The following ACCSL variants were observed in gnomAD, a reference collection of about 807,000 sequenced individuals.
ACCSL encodes 1-aminocyclopropane-1-carboxylate synthase homolog (inactive) like, also known as probable inactive 1-aminocyclopropane-1-carboxylate synthase-like protein 2.
A neutral mutation model predicts 61.7 loss-of-function variants in ACCSL; 55 were observed. The observed-to-expected ratio is 0.89, with a 90% CI of 0.72 to 1.12. The LOEUF is 1.12. Among genes scored for constraint, ACCSL ranks in the 50% most tolerant of loss-of-function variants. The probability of loss-of-function intolerance (pLI) is 0.00; values close to 1 mark genes in which losing one functional copy is unlikely to be tolerated. For missense variants in ACCSL, 632 were observed against 698.0 expected (o/e 0.91, Z 1.07); for synonymous variants, 258 against 264.3 (o/e 0.98, Z 0.23).
chr11:43,958,981 A>T, the ACCSL span, among the ~76,000 whole-genome samples: 1 of 152,134 alleles, frequency 6.6e-6, no homozygotes, highest in Non-Finnish European at 1.5e-5. Context: ...ACATGGCAGA[A>T]GGTAGAAGGG....
chr11:44,011,497 C>T, the ACCSL span, among the ~76,000 whole-genome samples: 23 of 152,300 alleles, frequency 1.5e-4, no homozygotes, highest in African/African-American at 5.3e-4. Flanking sequence ...TTTGTAAACA[C>T]GTCCACATAA....
chr11:44,023,595 A>G, the ACCSL span, among the ~76,000 whole-genome samples: 2 of 149,030 alleles, frequency 1.3e-5, no homozygotes, highest in Middle Eastern at 3.5e-3. Context: ...ATCTTTTCAA[A>G]GAACCAACTT....
the ACCSL span, among the ~76,000 whole-genome samples, chr11:43,927,439 GTAC>G: frequency 6.6e-6 from 1 of 152,230 alleles, no homozygotes; most frequent in Non-Finnish European, 1.5e-5. Flanking sequence ...GCTGCAATAT[GTAC>G]TAGGCACTGC....
chr11:44,051,032 G>A lies in ACCSL; in HGVS notation c.636-303G>A, dbSNP rs4600196. On this transcript the variant is annotated intron_variant, in intron 3 of 13. Coordinates refer to ENST00000378832, the MANE Select transcript of ACCSL (RefSeq NM_001031854.2). Reference sequence around the variant, plus strand: ...AATTTTTTGTATTTTTAGTAGAGACGGGGTTTCACCATGTTTGCCAGCTTG... The same window carrying A: ...AATTTTTTGTATTTTTAGTAGAGACAGGGTTTCACCATGTTTGCCAGCTTG... Among the ~76,000 whole-genome samples the A allele has an allele frequency of 7.2e-3, 1,093 of 152,044 alleles. 7 individuals carry two copies. Among genetic ancestry groups the A allele is most frequent in the East Asian group, 0.032 (163 of 5,162 alleles).
chr11:43,997,089 G>A, the ACCSL span, among the ~76,000 whole-genome samples: 5 of 151,988 alleles, frequency 3.3e-5, no homozygotes, highest in African/African-American at 1.2e-4. Context: ...GAGATTACAG[G>A]CATGAGCCAC....
the ACCSL span, among the ~76,000 whole-genome samples, chr11:43,975,424 AT>A: frequency 1.3e-5 from 2 of 152,242 alleles, no homozygotes; most frequent in Admixed American, 6.5e-5. Context: ...TCTCAGAAAC[AT>A]TTAAGGAGGA....
At chr11:43,982,412 G>A in the ACCSL span, among the ~76,000 whole-genome samples, 2 of 151,762 alleles carry the variant, frequency 1.3e-5, no homozygotes, top group South Asian at 4.2e-4. Flanking sequence ...ATTTTTAGTA[G>A]AGACAGGGTT....
At chr11:43,982,226 CTTTTT>C in the ACCSL span, among the ~76,000 whole-genome samples, 15,680 of 86,350 alleles carry the variant, frequency 0.18, 975 homozygotes, top group Middle Eastern at 0.24. Flanking sequence ...CCAAGGCCCT[CTTTTT>C]TTTTTTTTTT....
At chr11:43,928,932 C>T in the ACCSL span, among the ~76,000 whole-genome samples, 1 of 152,220 alleles carries the variant, frequency 6.6e-6, no homozygotes, top group African/African-American at 2.4e-5. Context: ...TGTTGCTCAT[C>T]CCAGCCCAAT....
At chr11:44,050,147 G>A in intron 2 of ACCSL, 26 bp downstream of exon 2, 1 of 1,598,036 alleles carries the variant, frequency 6.3e-7, no homozygotes, top group Non-Finnish European at 8.6e-7. Context: ...GCTGTGTTGG[G>A]ACCCACCCCT....
chr11:44,055,333 G>T (rs763889347), intron 9 of ACCSL, 42 bp downstream of exon 9: 11 of 1,541,512 alleles, frequency 7.1e-6, no homozygotes, highest in African/African-American at 1.4e-5. Flanking sequence ...GAACCACAAG[G>T]TTCTTGTTTT....
chr11:43,970,392 C>G, the ACCSL span, among the ~76,000 whole-genome samples: 1 of 152,036 alleles, frequency 6.6e-6, no homozygotes, highest in Non-Finnish European at 1.5e-5. Context: ...TTTGTAGAGA[C>G]AAGGTTTCAC....
chr11:44,050,014 G>A (rs774295748), intron 1 of ACCSL, 48 bp from the exon 2 acceptor site: 2 of 1,613,184 alleles, frequency 1.2e-6, no homozygotes, highest in East Asian at 2.2e-5. Context: ...GATCTATGTA[G>A]GGTGGAGCAA....
At position 44,051,351 on chromosome 11, in the gene ACCSL, G is replaced by T; in HGVS notation, c.652G>T (p.Ala218Ser). The change falls in exon 4 of 14, where the codon GCC becomes TCC. Residue 218 changes from alanine (A) to serine (S), a missense_variant. Transcript: ENST00000378832. ...TGTTTACAGCCTGCGGGAAGAAGTG[G>T]CCCGGTTCCTGACCTACTACTGCAG... Reference protein sequence around the residue: ...RGQPFLREEVARFLTYYCRAP... With the variant: ...RGQPFLREEVSRFLTYYCRAP... 1 of 1,614,170 alleles carries T rather than the reference G, an allele frequency of 6.2e-7. No homozygotes were observed. The highest frequency in any genetic ancestry group is 1.7e-5 in the Admixed American group (1 of 60,016).
chr11:44,036,781 CAAAA>C, the ACCSL span, among the ~76,000 whole-genome samples: 4 of 56,558 alleles, frequency 7.1e-5, no homozygotes, highest in African/African-American at 6.1e-5. Context: ...GACACCAGCT[CAAAA>C]AAAAAAAAAA....
chr11:44,018,758 A>G, the ACCSL span, among the ~76,000 whole-genome samples: 18 of 152,240 alleles, frequency 1.2e-4, no homozygotes, highest in African/African-American at 4.1e-4. Flanking sequence ...ACTTGAGGCT[A>G]GGAGTTTGAG....
chr11:43,982,226 CTTT>C, the ACCSL span, among the ~76,000 whole-genome samples: 1 of 86,318 alleles, frequency 1.2e-5, no homozygotes. Context: ...CCAAGGCCCT[CTTT>C]TTTTTTTTTT....
the ACCSL span, among the ~76,000 whole-genome samples, chr11:43,965,902 A>AT: frequency 6.6e-6 from 1 of 152,188 alleles, no homozygotes; most frequent in Admixed American, 6.5e-5. Flanking sequence ...ATCCACATGC[A>AT]TTTTTGTATA....
Position 44,048,294 on chromosome 11 carries a change from C to T in ACCSL, c.258C>T (p.Ala86=), listed in dbSNP as rs550573443. The change falls in exon 1 of 14, where the codon GCC becomes GCT. Residue 86 remains alanine (A), a synonymous_variant. Transcript: ENST00000378832. The part of the protein sequence containing the change: ...CRMINLLQSG[A]ASGLELQVPL... ...TGATCAACCTCCTACAGTCTGGGGC[C>T]GCGAGTGGCCTGGAGCTCCAAGTGC... The T allele has an allele frequency of 8.2e-5, 133 of 1,614,066 alleles. No homozygotes were observed. The highest frequency in any genetic ancestry group is 5.5e-4 in the African/African-American group (41 of 75,004).
Sources: allele counts gnomAD v4.1 joint callset (sites outside exome capture counted in the v4.1 genomes callset), GRCh38; gene constraint gnomAD v4.1.1; transcripts MANE v1.5; gene names NCBI Gene and HGNC (gene_info 2026-07-23, HGNC 2026-07-21).